Variants in MEFV observed in about 807,000 individuals in gnomAD.
The protein encoded by MEFV is pyrin.
In MEFV, 60 loss-of-function variants were observed where a neutral mutation model predicts 62.5. The ratio of observed to expected loss-of-function variants is 0.96; its 90% CI spans 0.78 to 1.19. MEFV has a LOEUF of 1.19. MEFV is among the 50% of genes most tolerant of loss of function. The pLI is 0.00. For missense variants in MEFV, 1,169 were observed against 1,004.5 expected (o/e 1.16, Z -2.21); for synonymous variants, 500 against 415.2 (o/e 1.20, Z -2.48).
chr16:3,252,051 T>TAA (rs33924616), intron 2 of MEFV: 378 of 263,770 alleles, frequency 1.4e-3, no homozygotes, highest in Middle Eastern at 6.1e-3. Flanking sequence ...ACCCCATATC[T>TAA]AAAAAAAAAA....
Position 3,243,288 on chromosome 16 carries a change from A to G in MEFV, c.2199T>C (p.Asn733=). The G allele has an allele frequency of 1.2e-6, 2 of 1,614,156 alleles. No homozygotes were observed. The highest frequency in any genetic ancestry group is 1.7e-6 in the Non-Finnish European group (2 of 1,180,036). Residue 733 remains asparagine, a synonymous_variant, in exon 10 of 10, where the codon AAT becomes AAC. Transcript: ENST00000219596. ...TATAGATGTGGGATCTGGCTGTCAC[A>G]TTGTAAAAGGAGATGCTTCCAACTC... ...DYRVGSISFY[N]VTARSHIYTF...
rs898735623 is a variant in MEFV, at chr16:3,243,214, G to C, written c.2273C>G (p.Pro758Arg). Residue 758 changes from proline to arginine, a missense_variant, in exon 10 of 10, where the codon CCT becomes CGT. By Grantham distance (103) the Pro-to-Arg change is moderately radical. Transcript: ENST00000219596. ...GTTCTTCCCTCCATCACGTGTCCCA[G>C]GGCTGAAGATAGGTTGAAGGGGCCC... is the stretch of plus-strand genomic sequence containing the variant. ...FSGPLQPIFSPGTRDGGKNTA... is the reference protein window; with the variant it reads ...FSGPLQPIFSRGTRDGGKNTA... 6.2e-7 allele frequency: 1 copy of C among 1,613,994 alleles called. No homozygotes were observed. Among genetic ancestry groups the C allele is most frequent in the Non-Finnish European group, 8.5e-7 (1 of 1,180,042 alleles).
intron 2 of MEFV, among the ~76,000 whole-genome samples, chr16:3,251,572 T>G (rs1959033018): frequency 6.6e-6 from 1 of 152,218 alleles, no homozygotes; most frequent in Admixed American, 6.5e-5. Context: ...TTTCTATTAT[T>G]CACAACCAAA....
At chr16:3,249,842 T>G in intron 2 of MEFV, 62 bp from the exon 3 acceptor site, 5 of 1,365,674 alleles carry the variant, frequency 3.7e-6, no homozygotes, top group Non-Finnish European at 5.2e-6. Flanking sequence ...CACAGAGGTA[T>G]CACAAAGCAC....
Position 3,243,598 on chromosome 16 carries a change from G to T in MEFV, c.1889C>A (p.Pro630His). 1.2e-6 allele frequency: 2 copies of T among 1,601,898 alleles called. No homozygotes were observed. The highest frequency in any genetic ancestry group is 1.7e-6 in the Non-Finnish European group (2 of 1,172,860). Residue 630 changes from proline to histidine, a missense_variant, in exon 10 of 10, where the codon CCT becomes CAT. Pro to His is a moderately conservative substitution (Grantham distance 77, BLOSUM62 -2). Transcript: ENST00000219596. The stretch of plus-strand genomic sequence containing the variant: ...GCTGTCAAATCTTTGCGGGCCATCA[G>T]GCAGCCTCTCCCACTTGTTTCCAAG... ...VRLGNKWERL[P>H]DGPQRFDSCI...
chr16:3,251,438 G>C (rs1959030583), intron 2 of MEFV, among the ~76,000 whole-genome samples: 1 of 152,190 alleles, frequency 6.6e-6, no homozygotes, highest in African/African-American at 2.4e-5. Context: ...GACAAACTTG[G>C]TGGGACAGAG....
At chr16:3,252,068 TAAAA>T (rs922910527) in intron 2 of MEFV, 2 of 312,268 alleles carry the variant, frequency 6.4e-6, no homozygotes, top group African/African-American at 4.6e-5. Context: ...AAAAAAAAAT[TAAAA>T]AAAATACAGT....
In MEFV at chr16:3,250,894, G is replaced by T. The variant is rs11640659; in HGVS notation, c.911-1114C>A. Among the ~76,000 whole-genome samples the T allele has an allele frequency of 8.6e-3, 1,294 of 150,850 alleles. 12 individuals are homozygous for T. The highest frequency in any genetic ancestry group is 0.031 in the Middle Eastern group (9 of 290). ...CAAAAATTAGCCGGACGTGGTGGTG[G>T]GCACCTGTAATCCCAGCTACTCGGG... is the stretch of plus-strand genomic sequence containing the variant. On this transcript the variant is annotated intron_variant, in intron 2 of 9. Transcript: ENST00000219596.
In MEFV at chr16:3,244,478, A is replaced by T; in HGVS notation, c.1721T>A (p.Phe574Tyr). 6.2e-7 allele frequency: 1 copy of T among 1,613,648 alleles called. No homozygotes were observed. Among genetic ancestry groups the T allele is most frequent in the Non-Finnish European group, 8.5e-7 (1 of 1,179,638 alleles). Residue 574 changes from phenylalanine (F) to tyrosine (Y), a missense_variant, in exon 7 of 10, where the codon TTC (phenylalanine) becomes TAC (tyrosine). Transcript: ENST00000219596. ...SEFVEKSTKY[F>Y]SETLRSEMEM... The stretch of plus-strand genomic sequence containing the variant: ...CTTCTCCCAAGCCCATCTACCTGAG[A>T]AGTACTTTGTGCTCTTCTCCACAAA...
intron 1 of MEFV, among the ~76,000 whole-genome samples, chr16:3,255,962 T>G (rs1488392016): frequency 6.6e-6 from 1 of 152,114 alleles, no homozygotes; most frequent in African/African-American, 2.4e-5. Context: ...CCCGTTCATA[T>G]GATTGCATAG....
chr16:3,252,563 C>T (rs907512391), intron 2 of MEFV, among the ~76,000 whole-genome samples: 4 of 151,844 alleles, frequency 2.6e-5, no homozygotes, highest in African/African-American at 4.8e-5. Flanking sequence ...TATGAGCCAC[C>T]GCACCCGGCC....
At position 3,249,505 on chromosome 16, in the gene MEFV, G is replaced by T. The variant is rs1194114091; in HGVS notation, c.1186C>A (p.Leu396Ile). 6.2e-7 allele frequency: 1 copy of T among 1,614,206 alleles called. No individual in the cohort carries two copies. Among genetic ancestry groups the T allele is most frequent in the Admixed American group, 1.7e-5 (1 of 60,014 alleles). Reference protein sequence around the residue: ...FCEDHDEPICLICSLSQEHQG... With the variant: ...FCEDHDEPICIICSLSQEHQG... ...TGCTCCTGACTCAGACTGCAGATGA[G>T]GCAGATGGGCTCATCGTGATCCTCA... Residue 396 changes from leucine (L) to isoleucine (I), a missense_variant, in exon 3 of 10, where the codon CTC (leucine) becomes ATC (isoleucine). Leu to Ile is a conservative substitution (Grantham distance 5, BLOSUM62 2). Transcript: ENST00000219596.
At chr16:3,245,344 G>A (rs1296310438) in intron 6 of MEFV, among the ~76,000 whole-genome samples, 1 of 151,758 alleles carries the variant, frequency 6.6e-6, no homozygotes, top group African/African-American at 2.4e-5. Context: ...AGGGAGGGAA[G>A]GAAGGAAAGA....
At position 3,243,150 on chromosome 16, in the gene MEFV, C is replaced by G. The variant is rs104895153; in HGVS notation, c.2337G>C (p.Gly779=). The G allele has an allele frequency of 4.5e-5, 73 of 1,613,340 alleles. 1 individual carries two copies. The East Asian group carries it at 1.3e-3, about 29-fold the overall frequency. The change falls in exon 10 of 10, where the codon GGG becomes GGC. Residue 779 remains glycine, a synonymous_variant. Coordinates refer to ENST00000219596, the MANE Select transcript of MEFV (RefSeq NM_000243.3). ...ATGCAGTGTTGGGCATTCAGTCAGG[C>G]CCCTGACCACCCACTGGACAGATAG... ...PLTICPVGGQ[G]PD
chr16:3,243,855 C>A lies in MEFV; in HGVS notation c.1792+5G>T. 1 of 1,613,890 alleles carries A rather than the reference C, an allele frequency of 6.2e-7. No individual in the cohort carries two copies. The highest frequency in any genetic ancestry group is 8.5e-7 in the Non-Finnish European group (1 of 1,179,990). On this transcript the variant is annotated splice_donor_5th_base_variant and intron_variant, in intron 9 of 9. Coordinates refer to ENST00000219596, the MANE Select transcript of MEFV (RefSeq NM_000243.3). ...AGGGCCACTTGCCTTGATCTGGGCACTTACCAGCATGTGCCTGAGCGCCAA... is the reference window on the plus strand; with the variant it reads ...AGGGCCACTTGCCTTGATCTGGGCAATTACCAGCATGTGCCTGAGCGCCAA...
At position 3,243,875 on chromosome 16, in the gene MEFV, C is replaced by T. The variant is rs375665850; in HGVS notation, c.1777G>A (p.Ala593Thr). 9.9e-6 allele frequency: 16 copies of T among 1,613,860 alleles called. No homozygotes were observed. Among genetic ancestry groups the T allele is most frequent in the Non-Finnish European group, 1.1e-5 (13 of 1,180,002 alleles). Reference sequence around the variant, plus strand: ...GGGCACTTACCAGCATGTGCCTGAGCGCCAATCAGCTCCGGAACTACGGAG... The same window carrying T: ...GGGCACTTACCAGCATGTGCCTGAGTGCCAATCAGCTCCGGAACTACGGAG... ...EMFNVPELIG[A>T]QAHAVNVILD... Residue 593 changes from alanine (A) to threonine (T), a missense_variant, in exon 9 of 10, where the codon GCT (alanine) becomes ACT (threonine). Coordinates refer to ENST00000219596, the MANE Select transcript of MEFV (RefSeq NM_000243.3).
intron 2 of MEFV, among the ~76,000 whole-genome samples, 192 bp downstream of exon 2, chr16:3,253,966 T>A (rs1959074686): frequency 6.6e-6 from 1 of 152,214 alleles, no homozygotes; most frequent in South Asian, 2.1e-4. Flanking sequence ...TTTGGGTTTT[T>A]ATTTTTTTAA....
At chr16:3,255,688 A>G (rs1269145812) in intron 1 of MEFV, among the ~76,000 whole-genome samples, 4 of 152,122 alleles carry the variant, frequency 2.6e-5, no homozygotes, top group Admixed American at 2.6e-4. Flanking sequence ...ATTATTTATA[A>G]GTGTGAGCCA....
In MEFV at chr16:3,249,686, G is replaced by A. The variant is rs567739580; in HGVS notation, c.1005C>T (p.Pro335=). The A allele has an allele frequency of 3.6e-5, 58 of 1,612,942 alleles. 1 individual carries two copies. The East Asian group carries it at 1.2e-3, about 33-fold the overall frequency. Residue 335 remains proline, a synonymous_variant, in exon 3 of 10, where the codon CCC becomes CCT. Transcript: ENST00000219596. Reference sequence around the variant, plus strand: ...CCTGGGGGTGCCCAGAAACTGCCTCGGGGAAGCTGCAGGAATCACGCACAC... The same window carrying A: ...CCTGGGGGTGCCCAGAAACTGCCTCAGGGAAGCTGCAGGAATCACGCACAC... ...GTCVRDSCSF[P]EAVSGHPQAS...
Sources: allele counts gnomAD v4.1 joint callset (sites outside exome capture counted in the v4.1 genomes callset), GRCh38; gene constraint gnomAD v4.1.1; transcripts MANE v1.5; gene names NCBI Gene and HGNC (gene_info 2026-07-23, HGNC 2026-07-21).